Variants in TLL2 observed in about 807,000 individuals in gnomAD.
The protein encoded by TLL2 is tolloid-like protein 2.
A neutral mutation model predicts 123.0 loss-of-function variants in TLL2; 106 were observed. The ratio of observed to expected loss-of-function variants is 0.86; its 90% CI spans 0.74 to 1.01. The LOEUF is 1.01. Ranked by LOEUF, TLL2 falls within the 50% of genes least tolerant of loss-of-function variation. The probability of loss-of-function intolerance (pLI) is 0.00; values close to 1 mark genes in which losing one functional copy is unlikely to be tolerated. For synonymous variants in TLL2, 494 were observed against 516.8 expected (o/e 0.96, Z 0.60); for missense variants, 1,332 against 1,336.7 (o/e 1.00, Z 0.06).
In TLL2 at chr10:96,371,794, A is replaced by G. The variant is rs79883026; in HGVS notation, c.2663-1479T>C. ...TGCTGCAGGTTCAGCCATGGGGAGC[A>G]CCAGCAGATCAGAGGGAGGGAGGCG... On this transcript the variant is annotated intron_variant, in intron 19 of 20. Coordinates refer to ENST00000357947, the MANE Select transcript of TLL2 (RefSeq NM_012465.4). Among the ~76,000 whole-genome samples, 1,132 of 152,232 alleles carry G rather than the reference A, an allele frequency of 7.4e-3. 16 individuals carry two copies. The highest frequency in any genetic ancestry group is 0.024 in the African/African-American group (1,017 of 41,532).
intron 1 of TLL2, among the ~76,000 whole-genome samples, chr10:96,490,671 T>C (rs1847403850): frequency 6.6e-6 from 1 of 152,228 alleles, no homozygotes; most frequent in South Asian, 2.1e-4. Flanking sequence ...ATGAGTTATG[T>C]CTATGGATTC....
chr10:96,432,782 G>C, intron 4 of TLL2, 25 bp downstream of exon 4: 1 of 1,608,886 alleles, frequency 6.2e-7, no homozygotes, highest in South Asian at 1.1e-5. Context: ...CTGACCCAAA[G>C]CAGACCTTGT....
intron 10 of TLL2, among the ~76,000 whole-genome samples, chr10:96,403,550 G>A (rs1297380106): frequency 6.6e-6 from 1 of 152,106 alleles, no homozygotes; most frequent in African/African-American, 2.4e-5. Flanking sequence ...AAAAGTCATC[G>A]CCATTCTCTA....
intron 1 of TLL2, among the ~76,000 whole-genome samples, chr10:96,503,247 A>C (rs956877044): frequency 2.0e-5 from 3 of 152,128 alleles, no homozygotes; most frequent in African/African-American, 7.2e-5. Flanking sequence ...GTTGTTACTT[A>C]TAAGGAAATT....
intron 7 of TLL2, among the ~76,000 whole-genome samples, chr10:96,417,668 C>T (rs1846576959): frequency 6.6e-6 from 1 of 152,266 alleles, no homozygotes; most frequent in South Asian, 2.1e-4. Context: ...AGTCCCCATG[C>T]AGTGTAAAGC....
In TLL2 at chr10:96,513,620, G is replaced by T. The variant is rs1286752209; in HGVS notation, c.66C>A (p.Gly22=). Residue 22 remains glycine (G), a synonymous_variant, in exon 1 of 21, where the codon GGC becomes GGA. Coordinates refer to ENST00000357947, the MANE Select transcript of TLL2 (RefSeq NM_012465.4). ...CCGGGCGCTCCCCGAGTCCCCCGGC[G>T]CCGCGAGGCAGCGGCAGCAGCAGCA... The part of the protein sequence containing the change: ...SLLLLLPLPR[G]AGGLGERPDA... The T allele has an allele frequency of 6.2e-7, 1 of 1,601,242 alleles. No individual in the cohort carries two copies. Among genetic ancestry groups the T allele is most frequent in the Non-Finnish European group, 8.5e-7 (1 of 1,178,108 alleles).
rs1001191931 is a variant in TLL2, at chr10:96,370,096, G to T, written c.2882C>A (p.Ala961Glu). The T allele has an allele frequency of 6.2e-7, 1 of 1,608,612 alleles. No individual in the cohort carries two copies. Among genetic ancestry groups the T allele is most frequent in the Middle Eastern group, 1.7e-4 (1 of 6,044 alleles). Residue 961 changes from alanine to glutamate, a missense_variant, in exon 20 of 21, where the codon GCG becomes GAG. Coordinates refer to ENST00000357947, the MANE Select transcript of TLL2 (RefSeq NM_012465.4). ...GCCACAGAAGCGGCCGAGCCTGGGCGCTGAGCTGTCGTAGCCGTCGTAGGC... is the reference window on the plus strand; with the variant it reads ...GCCACAGAAGCGGCCGAGCCTGGGCTCTGAGCTGTCGTAGCCGTCGTAGGC... ...MEAYDGYDSS[A>E]PRLGRFCGSG...
chr10:96,513,644 C>CAGCAGT lies in TLL2; in HGVS notation c.36_41dup (p.Leu16_Leu17dup). The CAGCAGT allele has an allele frequency of 6.3e-7, 1 of 1,590,672 alleles. No individual in the cohort carries two copies. Among genetic ancestry groups the CAGCAGT allele is most frequent in the Non-Finnish European group, 8.5e-7 (1 of 1,174,724 alleles). On this transcript the variant is annotated inframe_insertion, in exon 1 of 21. Transcript: ENST00000357947. ...CGCCGCGAGGCAGCGGCAGCAGCAG[C>CAGCAGT]AGCAGTGACACCAGGGCCCCAAGTG...
At chr10:96,508,154 G>A (rs866311307) in intron 1 of TLL2, among the ~76,000 whole-genome samples, 1 of 152,102 alleles carries the variant, frequency 6.6e-6, no homozygotes, top group African/African-American at 2.4e-5. Flanking sequence ...TAAAAACCAG[G>A]ATGCCCGCCC....
At chr10:96,417,696 A>T (rs1266055396) in intron 7 of TLL2, among the ~76,000 whole-genome samples, 2 of 152,158 alleles carry the variant, frequency 1.3e-5, no homozygotes, top group Non-Finnish European at 2.9e-5. Context: ...AGCCTACTGG[A>T]GGATGAGACG....
intron 3 of TLL2, among the ~76,000 whole-genome samples, chr10:96,439,066 T>A (rs1564907452): frequency 1.3e-5 from 1 of 79,354 alleles, no homozygotes; most frequent in African/African-American, 4.9e-5. Context: ...CTAATTTTTT[T>A]AAGGATTTCT....
chr10:96,492,965 C>T (rs901151905), intron 1 of TLL2, among the ~76,000 whole-genome samples: 8 of 152,220 alleles, frequency 5.3e-5, no homozygotes, highest in Non-Finnish European at 1.0e-4. Context: ...AGACAGGGAG[C>T]TCACGCCCTT....
At chr10:96,513,452 C>T (rs893519635) in intron 1 of TLL2, 59 bp downstream of exon 1, 15 of 1,603,384 alleles carry the variant, frequency 9.4e-6, no homozygotes, top group Admixed American at 8.4e-5. Context: ...GCTTGCCCAC[C>T]ACCTCATTTG....
In TLL2 at chr10:96,443,446, G is replaced by T. The variant is rs535803960; in HGVS notation, c.364+2645C>A. The stretch of plus-strand genomic sequence containing the variant: ...GAGCAGGGCCACAAGGAGGCACACT[G>T]GGGCACTGGAGGTGTAGCTAAAGTT... On this transcript the variant is annotated intron_variant, in intron 3 of 20. Transcript: ENST00000357947. Among the ~76,000 whole-genome samples the T allele has an allele frequency of 1.1e-4, 17 of 152,258 alleles. No individual in the cohort carries two copies. The South Asian group carries it at 3.5e-3, about 32-fold the overall frequency.
intron 2 of TLL2, among the ~76,000 whole-genome samples, chr10:96,465,651 G>C (rs151218151): frequency 6.6e-6 from 1 of 152,304 alleles, no homozygotes; most frequent in Admixed American, 6.5e-5. Flanking sequence ...CAATGTCAGG[G>C]GACCTGAATT....
chr10:96,444,696 A>G (rs1846879109), intron 3 of TLL2, among the ~76,000 whole-genome samples: 1 of 152,246 alleles, frequency 6.6e-6, no homozygotes. Context: ...AGGTGGCCAC[A>G]TTAAAGAGAA....
chr10:96,513,640 G>A lies in TLL2; in HGVS notation c.46C>T (p.Leu16=). 1 of 1,593,646 alleles carries A rather than the reference G, an allele frequency of 6.3e-7. No individual in the cohort carries two copies. Among genetic ancestry groups the A allele is most frequent in the Non-Finnish European group, 8.5e-7 (1 of 1,176,010 alleles). Residue 16 remains leucine, a synonymous_variant, in exon 1 of 21, where the codon CTG becomes TTG. Coordinates refer to ENST00000357947, the MANE Select transcript of TLL2 (RefSeq NM_012465.4). ...CCGGCGCCGCGAGGCAGCGGCAGCA[G>A]CAGCAGCAGTGACACCAGGGCCCCA... is the stretch of plus-strand genomic sequence containing the variant. ...ALGALVSLLL[L]LPLPRGAGGL...
intron 5 of TLL2, among the ~76,000 whole-genome samples, chr10:96,423,493 T>C (rs1362973865): frequency 1.3e-5 from 2 of 152,212 alleles, no homozygotes; most frequent in Non-Finnish European, 2.9e-5. Flanking sequence ...TTTCAAATAA[T>C]ACTTATATAC....
intron 1 of TLL2, 152 bp from the exon 2 acceptor site, chr10:96,480,611 C>A: frequency 1.5e-6 from 1 of 652,804 alleles, no homozygotes; most frequent in South Asian, 1.8e-5. Context: ...AGAGATAGGG[C>A]TGGTGGAGGC....
Sources: gnomAD v4.1 joint callset for allele counts (sites outside exome capture counted in the v4.1 genomes callset) on GRCh38, gnomAD v4.1.1 for gene constraint, MANE v1.5 for transcripts, NCBI Gene and HGNC (gene_info 2026-07-23, HGNC 2026-07-21) for gene names.